Variants in ACOXL observed in about 807,000 individuals in gnomAD.
The protein encoded by ACOXL is acyl-CoA oxidase like, also known as acyl-coenzyme A oxidase-like protein.
ACOXL carries 70 observed loss-of-function variants against 71.9 expected under a neutral mutation model. The ratio of observed to expected loss-of-function variants is 0.97; its 90% CI spans 0.80 to 1.19. ACOXL has a LOEUF of 1.19. Ranked by LOEUF, ACOXL falls within the 50% of genes most tolerant of loss-of-function variation. ACOXL has a pLI of 0.00. For synonymous variants in ACOXL, 253 were observed against 281.6 expected, an observed-to-expected ratio of 0.90 and a Z score of 1.02; for missense variants, 703 against 736.3, an observed-to-expected ratio of 0.95 and a Z score of 0.52.
intron 9 of ACOXL, among the ~76,000 whole-genome samples, chr2:110,837,680 A>G (rs568627947): frequency 6.6e-6 from 1 of 151,976 alleles, no homozygotes; most frequent in African/African-American, 2.4e-5. Context: ...AGCTGTTCCA[A>G]AAAAGGAGCA....
chr2:110,941,935 T>C (rs1370622848), intron 12 of ACOXL, among the ~76,000 whole-genome samples: 2 of 152,194 alleles, frequency 1.3e-5, no homozygotes, highest in Admixed American at 6.5e-5. Context: ...TTTTAGCACT[T>C]AAATATCTTT....
intron 10 of ACOXL, among the ~76,000 whole-genome samples, chr2:110,870,014 C>T (rs1336987250): frequency 4.6e-5 from 7 of 152,364 alleles, no homozygotes; most frequent in East Asian, 1.9e-4. Context: ...TTTTAGAAAA[C>T]GTGGGTGATT....
At position 110,822,170 on chromosome 2, in the gene ACOXL, C is replaced by T. The variant is rs534542840; in HGVS notation, c.753+16775C>T. Among the ~76,000 whole-genome samples, 5 of 152,202 alleles carry T rather than the reference C, an allele frequency of 3.3e-5. No homozygotes were observed. The East Asian group carries it at 9.7e-4, about 29-fold the overall frequency. ...TGGCTGGGATGTTGTTACTTCTAGG[C>T]CTTTCCAGTTGATAAGCCAAGGAAA... is the stretch of plus-strand genomic sequence containing the variant. On this transcript the variant is annotated intron_variant, in intron 9 of 17. Coordinates refer to ENST00000439055, the MANE Select transcript of ACOXL (RefSeq NM_001142807.4).
At chr2:110,747,046 C>T (rs941892617) in intron 1 of ACOXL, among the ~76,000 whole-genome samples, 13 of 152,128 alleles carry the variant, frequency 8.5e-5, no homozygotes, top group African/African-American at 2.9e-4. Flanking sequence ...AGCCCCTACC[C>T]AACAATCAGT....
chr2:111,060,758 G>A (rs1252013234), intron 16 of ACOXL, among the ~76,000 whole-genome samples: 2 of 152,102 alleles, frequency 1.3e-5, no homozygotes, highest in African/African-American at 2.4e-5. Flanking sequence ...GAGTAATAGT[G>A]AACATACTTG....
At chr2:110,949,747 T>TA (rs1445809020) in intron 12 of ACOXL, among the ~76,000 whole-genome samples, 2 of 152,172 alleles carry the variant, frequency 1.3e-5, no homozygotes, top group African/African-American at 4.8e-5. Context: ...AATCCTCCAA[T>TA]AGTCCTGTGA....
intron 10 of ACOXL, among the ~76,000 whole-genome samples, chr2:110,906,432 G>A (rs758658913): frequency 4.0e-5 from 6 of 151,444 alleles, no homozygotes; most frequent in South Asian, 2.1e-4. Flanking sequence ...CCAGCTACTC[G>A]GGAGGCTGAG....
In ACOXL at chr2:110,998,244, ATT is replaced by A. The variant is rs773357698; in HGVS notation, c.1281+2241_1281+2242del. 1.5e-3 allele frequency among the ~76,000 whole-genome samples: 223 copies of A among 152,306 alleles called. 1 individual carries two copies. Among genetic ancestry groups the A allele is most frequent in the Non-Finnish European group, 2.6e-3 (174 of 68,034 alleles). On this transcript the variant is annotated intron_variant, in intron 14 of 17. Transcript: ENST00000439055. ...ACCTTGTTTTGTTCTGACTTTAGTA[ATT>A]AGAGAAACATAGGTTAAAATATATG... is the stretch of plus-strand genomic sequence containing the variant.
intron 11 of ACOXL, among the ~76,000 whole-genome samples, chr2:110,923,818 C>G (rs1424617922): frequency 6.6e-6 from 1 of 152,146 alleles, no homozygotes; most frequent in Non-Finnish European, 1.5e-5. Context: ...GGCCTGTAAT[C>G]CCAGCTACTC....
intron 9 of ACOXL, among the ~76,000 whole-genome samples, chr2:110,822,303 C>T (rs1688708595): frequency 6.6e-6 from 1 of 152,128 alleles, no homozygotes; most frequent in Admixed American, 6.5e-5. Context: ...ACTCTGATCC[C>T]TTTACAGTAG....
At chr2:110,901,673 CAT>C (rs1259759770) in intron 10 of ACOXL, among the ~76,000 whole-genome samples, 11 of 139,624 alleles carry the variant, frequency 7.9e-5, no homozygotes, top group South Asian at 4.6e-4. Flanking sequence ...CACACACACA[CAT>C]ATACACTCAC....
chr2:110,841,194 A>G (rs1347319456), intron 9 of ACOXL, among the ~76,000 whole-genome samples, 177 bp from the exon 10 acceptor site: 2 of 152,264 alleles, frequency 1.3e-5, no homozygotes, highest in Non-Finnish European at 2.9e-5. Context: ...AATTATCTGT[A>G]AGAGCTAAGT....
At chr2:110,770,852 C>T (rs912056072) in intron 2 of ACOXL, among the ~76,000 whole-genome samples, 4 of 152,336 alleles carry the variant, frequency 2.6e-5, no homozygotes, top group African/African-American at 9.6e-5. Flanking sequence ...ACTCAAGACC[C>T]GGATGTGAGA....
intron 2 of ACOXL, among the ~76,000 whole-genome samples, chr2:110,773,524 G>A (rs1476194265): frequency 2.0e-5 from 3 of 152,186 alleles, no homozygotes; most frequent in Non-Finnish European, 2.9e-5. Flanking sequence ...GCCAGCCCCA[G>A]CGAGTGCTGC....
At chr2:110,902,209 C>A (rs2059265274) in intron 10 of ACOXL, among the ~76,000 whole-genome samples, 1 of 152,160 alleles carries the variant, frequency 6.6e-6, no homozygotes, top group South Asian at 2.1e-4. Context: ...AGTGGCTACA[C>A]CTGTAATCCC....
At position 110,789,937 on chromosome 2, in the gene ACOXL, G is replaced by A. The variant is rs1455939436; in HGVS notation, c.160-3713G>A. Among the ~76,000 whole-genome samples, 4 of 152,234 alleles carry A rather than the reference G, an allele frequency of 2.6e-5. No homozygotes were observed. In the East Asian group the frequency reaches 7.7e-4, roughly 29 times the overall value. On this transcript the variant is annotated intron_variant, in intron 3 of 17. Coordinates refer to ENST00000439055, the MANE Select transcript of ACOXL (RefSeq NM_001142807.4). ...CCTGCCCATGGGACAGACCTCACGG[G>A]TCCACTGGGACAGGGGCACACTCAG...
At chr2:110,830,823 G>A (rs1418887355) in intron 9 of ACOXL, among the ~76,000 whole-genome samples, 1 of 152,040 alleles carries the variant, frequency 6.6e-6, no homozygotes, top group Non-Finnish European at 1.5e-5. Context: ...GTGAGCCACC[G>A]CGCCTGGCCT....
At chr2:110,944,524 G>A (rs781189768) in intron 12 of ACOXL, among the ~76,000 whole-genome samples, 3 of 152,124 alleles carry the variant, frequency 2.0e-5, no homozygotes, top group Non-Finnish European at 4.4e-5. Flanking sequence ...GTAGGCCCCA[G>A]TGTCTGTTGT....
chr2:110,814,754 C>G (rs560143799), intron 9 of ACOXL, among the ~76,000 whole-genome samples: 1 of 152,290 alleles, frequency 6.6e-6, no homozygotes, highest in African/African-American at 2.4e-5. Flanking sequence ...GTCAAAATAT[C>G]TTTACAATTT....
Sources: allele counts gnomAD v4.1 joint callset (sites outside exome capture counted in the v4.1 genomes callset), GRCh38; gene constraint gnomAD v4.1.1; transcripts MANE v1.5; gene names NCBI Gene and HGNC (gene_info 2026-07-23, HGNC 2026-07-21).